The following CDCA2 variants were observed in gnomAD, a reference collection of about 807,000 sequenced individuals.
CDCA2 encodes the protein cell division cycle associated 2.
In CDCA2, 44 loss-of-function variants were observed where a neutral mutation model predicts 67.0. That is an observed-to-expected ratio of 0.66 (90% confidence interval 0.52 to 0.84). The LOEUF is 0.84. Among genes scored for constraint, CDCA2 ranks in the 40% least tolerant of loss-of-function variants. The pLI is 0.00. For synonymous variants in CDCA2, 447 were observed against 418.7 expected (o/e 1.07, Z -0.82); for missense variants, 1,253 against 1,203.2 (o/e 1.04, Z -0.61).
intron 14 of CDCA2, 154 bp downstream of exon 14, chr8:25,503,698 A>G (rs1804566203): frequency 4.5e-6 from 3 of 665,222 alleles, no homozygotes; most frequent in Non-Finnish European, 7.3e-6. Context: ...AGGATTTCAA[A>G]TGGAGGAAAC....
intron 12 of CDCA2, 71 bp from the exon 13 acceptor site, chr8:25,488,481 A>G: frequency 7.1e-7 from 1 of 1,402,312 alleles, no homozygotes. Flanking sequence ...AAGCACAACA[A>G]GAGTGAGAGC....
chr8:25,461,986 C>T lies in CDCA2; in HGVS notation c.233-68C>T, dbSNP rs954066803. On this transcript the variant is annotated intron_variant, in intron 3 of 14. Transcript: ENST00000330560. Reference sequence around the variant, plus strand: ...TTTTCTCTCTCAGGCTGGTACATCACGAGTATTGGATGTGGTTACTGATGA... The same window carrying T: ...TTTTCTCTCTCAGGCTGGTACATCATGAGTATTGGATGTGGTTACTGATGA... 1.9e-5 allele frequency: 27 copies of T among 1,448,868 alleles called. No individual in the cohort carries two copies. In the East Asian group the frequency reaches 3.7e-4, roughly 20 times the overall value. 89.8% of individuals were successfully genotyped at this position (1,448,868 alleles called of 1,614,324 possible).
At chr8:25,485,596 C>G (rs1376297478) in intron 10 of CDCA2, among the ~76,000 whole-genome samples, 163 bp from the exon 11 acceptor site, 2 of 152,056 alleles carry the variant, frequency 1.3e-5, no homozygotes, top group African/African-American at 4.8e-5. Context: ...TTTTTCTATT[C>G]AATATCTTTG....
intron 13 of CDCA2, among the ~76,000 whole-genome samples, chr8:25,500,770 A>G (rs1453003079): frequency 1.3e-5 from 2 of 152,244 alleles, no homozygotes; most frequent in Non-Finnish European, 2.9e-5. Flanking sequence ...GTCAGGCCCT[A>G]CATTAACCAG....
intron 13 of CDCA2, among the ~76,000 whole-genome samples, chr8:25,489,056 C>A (rs1486823229): frequency 2.6e-4 from 39 of 152,106 alleles, no homozygotes; most frequent in Admixed American, 2.6e-3. Flanking sequence ...TTCTCTTCTT[C>A]CAGTTGCTGA....
At chr8:25,496,025 A>G (rs188027111) in intron 13 of CDCA2, among the ~76,000 whole-genome samples, 2 of 152,322 alleles carry the variant, frequency 1.3e-5, no homozygotes, top group East Asian at 1.9e-4. Context: ...TGCATAGATT[A>G]TCATTAGACA....
chr8:25,479,083 T>A (rs779840824), intron 7 of CDCA2, among the ~76,000 whole-genome samples: 16 of 152,124 alleles, frequency 1.1e-4, no homozygotes, highest in Non-Finnish European at 2.1e-4. Context: ...ACCAACTTGT[T>A]TTCAGATTTC....
chr8:25,460,064 A>G lies in CDCA2; in HGVS notation c.1-176A>G, dbSNP rs369086712. On this transcript the variant is annotated intron_variant, in intron 1 of 14. Coordinates refer to ENST00000330560, the MANE Select transcript of CDCA2 (RefSeq NM_152562.4). ...TGTATCAAAATATTTCATGTACCCCATAAATTATACATCTACTGTATACCC... is the reference window on the plus strand; with the variant it reads ...TGTATCAAAATATTTCATGTACCCCGTAAATTATACATCTACTGTATACCC... Among the ~76,000 whole-genome samples the G allele has an allele frequency of 2.2e-4, 33 of 152,354 alleles. No homozygotes were observed. The East Asian group carries it at 4.8e-3, about 22-fold the overall frequency.
rs754321913 is a variant in CDCA2 at position 25,469,944 on chromosome 8, T to A, written c.784T>A (p.Ser262Thr). 6.2e-7 allele frequency: 1 copy of A among 1,611,782 alleles called. No individual in the cohort carries two copies. The highest frequency in any genetic ancestry group is 8.5e-7 in the Non-Finnish European group (1 of 1,178,734). Residue 262 changes from serine to threonine, a missense_variant, in exon 7 of 15, where the codon TCT becomes ACT. By Grantham distance (58) the Ser-to-Thr change is moderately conservative (BLOSUM62 1). Coordinates refer to ENST00000330560, the MANE Select transcript of CDCA2 (RefSeq NM_152562.4). ...ACAGTCTGGATTTTTAGTTGAAGAG[T>A]CTCTTCCCCTTTCAGAGCTCACAGA... Reference protein sequence around the residue: ...STQSGFLVEESLPLSELTETS... With the variant: ...STQSGFLVEETLPLSELTETS...
chr8:25,498,627 C>T (rs568674525), intron 13 of CDCA2, among the ~76,000 whole-genome samples: 8 of 152,152 alleles, frequency 5.3e-5, no homozygotes, highest in East Asian at 1.9e-4. Context: ...TGACATCTTG[C>T]GAAACCATAG....
In CDCA2 at chr8:25,488,655, AGT is replaced by A; in HGVS notation, c.1640_1641del (p.Cys547TyrfsTer7). 1 of 1,612,404 alleles carries A rather than the reference AGT, an allele frequency of 6.2e-7. No individual in the cohort carries two copies. Among genetic ancestry groups the A allele is most frequent in the Non-Finnish European group, 8.5e-7 (1 of 1,179,484 alleles). Reference sequence around the variant, plus strand: ...AATAGGAGGAAGTCTCAAGAAACAAAGTGTACAAAGAGAGCACTTCCTAAGAA... The same window carrying A: ...AATAGGAGGAAGTCTCAAGAAACAAAGTACAAAGAGAGCACTTCCTAAGAA... On this transcript the variant is annotated frameshift_variant, in exon 13 of 15. Transcript: ENST00000330560. LOFTEE classifies it high-confidence loss of function.
rs572923994 is a variant in CDCA2, at chr8:25,507,029, A to T, written c.2363A>T (p.Lys788Ile). The T allele has an allele frequency of 3.7e-5, 60 of 1,614,114 alleles. No individual in the cohort carries two copies. The East Asian group carries it at 1.2e-3, about 33-fold the overall frequency. The part of the protein sequence containing the change: ...QCNRLMPNSQ[K>I]DCHCLGDVLI... ...AATCGTTTAATGCCTAATTCACAAA[A>T]AGACTGTCATTGTTTAGGAGATGTC... Residue 788 changes from lysine (K) to isoleucine (I), a missense_variant, in exon 15 of 15, where the codon AAA (lysine) becomes ATA (isoleucine). Transcript: ENST00000330560.
chr8:25,483,850 A>T (rs1803661091), intron 9 of CDCA2, 116 bp from the exon 10 acceptor site: 1 of 896,850 alleles, frequency 1.1e-6, no homozygotes, highest in Admixed American at 2.6e-5. Flanking sequence ...TTGCTTTACT[A>T]GCTATTATAC....
intron 5 of CDCA2, among the ~76,000 whole-genome samples, chr8:25,467,160 T>A (rs1281999667): frequency 4.6e-5 from 7 of 151,566 alleles, no homozygotes; most frequent in Non-Finnish European, 1.0e-4. Context: ...TCAGTCTTTT[T>A]TTTTTCCCCC....
chr8:25,495,643 A>T (rs1400306578), intron 13 of CDCA2, among the ~76,000 whole-genome samples: 1 of 152,136 alleles, frequency 6.6e-6, no homozygotes, highest in Admixed American at 6.6e-5. Flanking sequence ...GATGGTCTCG[A>T]TCTGCTGACC....
intron 6 of CDCA2, 28 bp downstream of exon 6, chr8:25,468,441 A>G (rs1224708702): frequency 6.3e-7 from 1 of 1,585,514 alleles, no homozygotes; most frequent in Non-Finnish European, 8.6e-7. Context: ...CGCATAGGAA[A>G]ATGAAGTTGT....
At chr8:25,494,503 T>C (rs1432578100) in intron 13 of CDCA2, among the ~76,000 whole-genome samples, 1 of 152,248 alleles carries the variant, frequency 6.6e-6, no homozygotes, top group Non-Finnish European at 1.5e-5. Context: ...TTACATATGC[T>C]CTATGCAAAT....
chr8:25,502,630 C>T (rs1586534374), intron 13 of CDCA2, among the ~76,000 whole-genome samples: 1 of 152,022 alleles, frequency 6.6e-6, no homozygotes, highest in East Asian at 1.9e-4. Flanking sequence ...TTTCTTCATC[C>T]GGACCTGGGA....
chr8:25,470,254 A>C (rs970029416), intron 7 of CDCA2, among the ~76,000 whole-genome samples: 2 of 152,224 alleles, frequency 1.3e-5, no homozygotes, highest in Non-Finnish European at 2.9e-5. Flanking sequence ...TCTTTGTTAT[A>C]GGAACACTAC....
Sources: allele counts gnomAD v4.1 joint callset (sites outside exome capture counted in the v4.1 genomes callset), GRCh38; gene constraint gnomAD v4.1.1; transcripts MANE v1.5; gene names NCBI Gene and HGNC (gene_info 2026-07-23, HGNC 2026-07-21).